The following SHC3 variants were observed in gnomAD, a reference collection of about 807,000 sequenced individuals.
SHC3 encodes the protein SHC-transforming protein 3.
In SHC3, 15 loss-of-function variants were observed where a neutral mutation model predicts 60.4. The observed-to-expected ratio is 0.25, with a 90% CI of 0.17 to 0.38. SHC3 has a LOEUF of 0.38. SHC3 is among the 10% of genes least tolerant of loss of function. The pLI is 1.00. For synonymous variants in SHC3, 294 were observed against 325.9 expected, an observed-to-expected ratio of 0.90 and a Z score of 1.05; for missense variants, 677 against 786.1, an observed-to-expected ratio of 0.86 and a Z score of 1.66.
intron 2 of SHC3, among the ~76,000 whole-genome samples, chr9:89,086,388 A>T (rs1334341320): frequency 6.6e-6 from 1 of 152,248 alleles, no homozygotes. Flanking sequence ...AACGGCTCAC[A>T]GAACTCAGGG....
chr9:89,177,992 C>T lies in SHC3; in HGVS notation c.469G>A (p.Val157Ile). Residue 157 changes from valine (V) to isoleucine (I), a missense_variant, in exon 1 of 12, where the codon GTC (valine) becomes ATC (isoleucine). Physicochemically the swap from Val to Ile is conservative, Grantham distance 29. Coordinates refer to ENST00000375835, the MANE Select transcript of SHC3 (RefSeq NM_016848.6). ...QVLGPGVTYV[V>I]KYLGCIEVLR... ...CGGCCCGCGCCCGCACCCACCTTGA[C>T]CACGTAGGTGACTCCGGGCCCCAGC... 8.1e-7 allele frequency: 1 copy of T among 1,231,266 alleles called. No homozygotes were observed. Among genetic ancestry groups the T allele is most frequent in the South Asian group, 3.9e-5 (1 of 25,668 alleles). The allele number at this position is 1,231,266 out of a possible 1,614,324, so 76.3% of individuals were successfully genotyped here.
chr9:89,126,073 C>T (rs555936191), intron 1 of SHC3, among the ~76,000 whole-genome samples: 16 of 152,230 alleles, frequency 1.1e-4, no homozygotes, highest in African/African-American at 3.1e-4. Flanking sequence ...ATCTTTCCTG[C>T]GAACCATGGA....
intron 3 of SHC3, among the ~76,000 whole-genome samples, chr9:89,077,389 C>T (rs1050096727): frequency 6.6e-6 from 1 of 152,144 alleles, no homozygotes; most frequent in Admixed American, 6.5e-5. Flanking sequence ...TTGAAATCGG[C>T]CACAGCAGAG....
At position 89,145,068 on chromosome 9, in the gene SHC3, G is replaced by A. The variant is rs545479995; in HGVS notation, c.475-32442C>T. 3.9e-5 allele frequency among the ~76,000 whole-genome samples: 6 copies of A among 152,236 alleles called. No homozygotes were observed. The South Asian group carries it at 1.2e-3, about 32-fold the overall frequency. ...AGGTTCCGGATGATGTTGGCAGTCTGCATGCACACAGCAGCCTCTCCCTCC... is the reference window on the plus strand; with the variant it reads ...AGGTTCCGGATGATGTTGGCAGTCTACATGCACACAGCAGCCTCTCCCTCC... On this transcript the variant is annotated intron_variant, in intron 1 of 11. Transcript: ENST00000375835.
rs771857060 is a variant in SHC3 at position 89,006,078 on chromosome 9, G to A, written c.*7369C>T. ...GCACACCACTGTTCTGATAATAAAG[G>A]CACATTTTCCAATAACCAATTATAA... On this transcript the variant is annotated 3_prime_UTR_variant, in exon 12 of 12. Transcript: ENST00000375835. The A allele has an allele frequency of 6.6e-6, 1 of 152,168 alleles. No individual in the cohort carries two copies. Among genetic ancestry groups the A allele is most frequent in the Non-Finnish European group, 1.5e-5 (1 of 68,034 alleles). 9.4% of individuals were successfully genotyped at this position (152,168 alleles called of 1,614,324 possible).
Position 89,096,314 on chromosome 9 carries a change from C to T in SHC3, c.545+16242G>A, listed in dbSNP as rs545154062. 7.9e-5 allele frequency among the ~76,000 whole-genome samples: 12 copies of T among 152,320 alleles called. No homozygotes were observed. In the East Asian group the frequency reaches 2.3e-3, roughly 29 times the overall value. On this transcript the variant is annotated intron_variant, in intron 2 of 11. Coordinates refer to ENST00000375835, the MANE Select transcript of SHC3 (RefSeq NM_016848.6). ...CAGGAGCCCAGAGACATGAGGCAGG[C>T]TCCATCCAATGCGCCACCAAGGGAG...
chr9:89,050,046 T>C (rs2117918491), intron 7 of SHC3, among the ~76,000 whole-genome samples: 1 of 152,378 alleles, frequency 6.6e-6, no homozygotes, highest in South Asian at 2.1e-4. Flanking sequence ...TAATAAAATT[T>C]GTCAAACTTA....
chr9:89,110,370 T>A (rs1825928768), intron 2 of SHC3: 1 of 985,042 alleles, frequency 1.0e-6, no homozygotes, highest in African/African-American at 1.7e-5. Flanking sequence ...GGTGCCTGTA[T>A]AATATAACTT....
intron 1 of SHC3, among the ~76,000 whole-genome samples, chr9:89,134,626 G>A (rs759141095): frequency 6.6e-6 from 1 of 152,012 alleles, no homozygotes; most frequent in African/African-American, 2.4e-5. Context: ...TTTAATAGTG[G>A]CTGTCCTAAG....
intron 1 of SHC3, among the ~76,000 whole-genome samples, chr9:89,115,242 A>C (rs979129076): frequency 6.6e-6 from 1 of 152,148 alleles, no homozygotes; most frequent in African/African-American, 2.4e-5. Context: ...ATTTATTGGA[A>C]TGACACAGCC....
intron 2 of SHC3, among the ~76,000 whole-genome samples, chr9:89,105,832 T>C (rs1175048509): frequency 1.3e-5 from 2 of 152,186 alleles, no homozygotes; most frequent in South Asian, 2.1e-4. Context: ...AACTTCAGTT[T>C]GTTGCATCAA....
intron 4 of SHC3, among the ~76,000 whole-genome samples, chr9:89,074,172 A>G (rs1473060797): frequency 6.6e-6 from 1 of 152,152 alleles, no homozygotes; most frequent in Non-Finnish European, 1.5e-5. Context: ...GCTGCTCACT[A>G]ACCTGGGGAA....
At chr9:89,111,480 G>A (rs58455500) in intron 2 of SHC3, among the ~76,000 whole-genome samples, 1 of 152,032 alleles carries the variant, frequency 6.6e-6, no homozygotes, top group South Asian at 2.1e-4. Flanking sequence ...AAATGTTCAT[G>A]AACCATTTTC....
intron 11 of SHC3, among the ~76,000 whole-genome samples, chr9:89,015,042 C>T (rs1826071920): frequency 6.6e-6 from 1 of 152,216 alleles, no homozygotes; most frequent in African/African-American, 2.4e-5. Context: ...CTAAGCCTCA[C>T]TAAGGATGTA....
At chr9:89,082,849 G>A (rs1407334889) in intron 2 of SHC3, among the ~76,000 whole-genome samples, 1 of 152,130 alleles carries the variant, frequency 6.6e-6, no homozygotes, top group African/African-American at 2.4e-5. Flanking sequence ...GCAGCAGGCG[G>A]CTCACCCACC....
At chr9:89,162,380 G>T (rs1376153068) in intron 1 of SHC3, among the ~76,000 whole-genome samples, 1 of 152,162 alleles carries the variant, frequency 6.6e-6, no homozygotes, top group Non-Finnish European at 1.5e-5. Flanking sequence ...GCATGGTACT[G>T]GTGACAAAAC....
chr9:89,109,415 T>C (rs1335893216), intron 2 of SHC3: 13 of 984,448 alleles, frequency 1.3e-5, no homozygotes, highest in Non-Finnish European at 1.6e-5. Flanking sequence ...TGGGACGGAA[T>C]GTACATGGAT....
intron 1 of SHC3, among the ~76,000 whole-genome samples, chr9:89,135,667 G>A (rs886414209): frequency 2.1e-4 from 32 of 152,074 alleles, no homozygotes; most frequent in African/African-American, 7.5e-4. Context: ...GGTTTCATCA[G>A]TTGTTTTTGA....
intron 1 of SHC3, among the ~76,000 whole-genome samples, chr9:89,137,457 A>T (rs968106771): frequency 1.4e-4 from 22 of 152,238 alleles, no homozygotes; most frequent in Non-Finnish European, 3.1e-4. Context: ...AAAAATCCCA[A>T]ATCTTAAGAA....
Sources: allele counts gnomAD v4.1 joint callset (sites outside exome capture counted in the v4.1 genomes callset), GRCh38; gene constraint gnomAD v4.1.1; transcripts MANE v1.5; gene names NCBI Gene and HGNC (gene_info 2026-07-23, HGNC 2026-07-21).